SLC7A13: variants seen among roughly 807,000 people sequenced by gnomAD.
SLC7A13 encodes X-amino acid transporter 2.
Under a neutral mutation model 32.0 loss-of-function variants are expected in SLC7A13, and 31 were observed. The observed-to-expected ratio is 0.97, with a 90% confidence interval of 0.73 to 1.31. The LOEUF (loss-of-function observed/expected upper bound fraction) is 1.31, where lower values mean the gene tolerates loss of function less well. SLC7A13 is among the 50% of genes most tolerant of loss of function. SLC7A13 has a pLI of 0.00. For synonymous variants in SLC7A13, 232 were observed against 206.9 expected (o/e 1.12, Z -1.04); for missense variants, 633 against 546.9 (o/e 1.16, Z -1.57).
intron 1 of SLC7A13, among the ~76,000 whole-genome samples, chr8:86,225,355 G>A (rs1389720246): frequency 1.3e-5 from 2 of 152,120 alleles, no homozygotes; most frequent in Admixed American, 1.3e-4. Flanking sequence ...TCTCCTTATA[G>A]TGAAAACTGT....
chr8:86,230,219 C>A lies in SLC7A13; in HGVS notation c.59G>T (p.Ser20Ile). Reference protein sequence around the residue: ...KRVFGYWWGTSFLLINIIGAG... With the variant: ...KRVFGYWWGTIFLLINIIGAG... Reference sequence around the variant, plus strand: ...ACCAATGATATTAATAAGCAAAAAACTTGTGCCCCACCAATATCCAAACAC... The same window carrying A: ...ACCAATGATATTAATAAGCAAAAAAATTGTGCCCCACCAATATCCAAACAC... Residue 20 changes from serine (S) to isoleucine (I), a missense_variant, in exon 1 of 4, where the codon AGT becomes ATT. Ser to Ile is a moderately radical substitution (Grantham distance 142). Transcript: ENST00000297524. The A allele has an allele frequency of 1.9e-6, 3 of 1,613,642 alleles. No individual in the cohort carries two copies. Among genetic ancestry groups the A allele is most frequent in the Non-Finnish European group, 2.5e-6 (3 of 1,179,776 alleles).
At chr8:86,215,373 T>C (rs1475788996) in intron 3 of SLC7A13, among the ~76,000 whole-genome samples, 3 of 152,162 alleles carry the variant, frequency 2.0e-5, no homozygotes, top group South Asian at 4.1e-4. Context: ...AGAGGATCAT[T>C]TGTTGGGATT....
In SLC7A13 at chr8:86,217,735, A is replaced by T. The variant is rs1428486463; in HGVS notation, c.914T>A (p.Ile305Asn). ...TGGTCTCGATGATTTAAATATAGAA[A>T]TCAGAAGGTTGCTAAATAATGAGGT... ...ISTSLFSNLL[I>N]SIFKSSRPIY... is the part of the protein sequence containing the mutation. The change falls in exon 3 of 4, where the codon ATT becomes AAT. Residue 305 changes from isoleucine (I) to asparagine (N), a missense_variant. Ile to Asn is a moderately radical substitution (Grantham distance 149). Coordinates refer to ENST00000297524, the MANE Select transcript of SLC7A13 (RefSeq NM_138817.3). 6.2e-7 allele frequency: 1 copy of T among 1,613,262 alleles called. No homozygotes were observed. The highest frequency in any genetic ancestry group is 1.7e-5 in the Admixed American group (1 of 59,934).
At chr8:86,217,322 T>TA in intron 3 of SLC7A13, 148 bp downstream of exon 3, 1 of 746,110 alleles carries the variant, frequency 1.3e-6, no homozygotes, top group Non-Finnish European at 1.9e-6. Flanking sequence ...AAACGAAAAT[T>TA]AAAACCAAGA....
At chr8:86,217,078 C>T (rs909210770) in intron 3 of SLC7A13, among the ~76,000 whole-genome samples, 1 of 152,152 alleles carries the variant, frequency 6.6e-6, no homozygotes, top group African/African-American at 2.4e-5. Flanking sequence ...TGTTTCAGAA[C>T]AGTAGATGTT....
rs535537836 is a variant in SLC7A13 at position 86,220,500 on chromosome 8, T to C, written c.817+2472A>G. Among the ~76,000 whole-genome samples the C allele has an allele frequency of 8.1e-4, 123 of 152,122 alleles. 1 individual carries two copies. Among genetic ancestry groups the C allele is most frequent in the Non-Finnish European group, 1.4e-3 (94 of 68,006 alleles). On this transcript the variant is annotated intron_variant, in intron 2 of 3. Transcript: ENST00000297524. ...CAAAAACATTACATGATTAATACCA[T>C]TCTTTCTTTTTCTATCTAAACCACA...
chr8:86,217,830 A>T lies in SLC7A13; in HGVS notation c.819T>A (p.Asp273Glu), dbSNP rs996878855. Reference protein sequence around the residue: ...VLTPREILSSDAVAITWADRA... With the variant: ...VLTPREILSSEAVAITWADRA... ...GATCAGCCCATGTGATAGCTACAGC[A>T]TCTGCAGAAAAACAAAAATACACAA... The change falls in exon 3 of 4, where the codon GAT becomes GAA. Residue 273 changes from aspartate to glutamate, a missense_variant and splice_region_variant. By Grantham distance (45) the Asp-to-Glu change is conservative. Coordinates refer to ENST00000297524, the MANE Select transcript of SLC7A13 (RefSeq NM_138817.3). 1.3e-5 allele frequency: 20 copies of T among 1,516,492 alleles called. No individual in the cohort carries two copies. The highest frequency in any genetic ancestry group is 1.6e-5 in the Non-Finnish European group (18 of 1,135,738). The allele number at this position is 1,516,492 out of a possible 1,614,324, so 93.9% of individuals were successfully genotyped here.
Position 86,217,719 on chromosome 8 carries a change from T to G in SLC7A13, c.930A>C (p.Ser310=), listed in dbSNP as rs4621787. The G allele has an allele frequency of 6.3e-3, 10,180 of 1,613,210 alleles. 475 individuals are homozygous for G. In the African/African-American group the frequency reaches 0.11, roughly 17 times the overall value. ...FSNLLISIFK[S]SRPIYLASQE... is the part of the protein sequence containing the mutation. ...GGCTTGCAAGATATATTGGTCTCGA[T>G]GATTTAAATATAGAAATCAGAAGGT... The change falls in exon 3 of 4, where the codon TCA becomes TCC. Residue 310 remains serine, a synonymous_variant. Transcript: ENST00000297524.
At chr8:86,228,279 G>C (rs1456807137) in intron 1 of SLC7A13, among the ~76,000 whole-genome samples, 2 of 152,190 alleles carry the variant, frequency 1.3e-5, no homozygotes, top group Non-Finnish European at 2.9e-5. Flanking sequence ...TGTCCAGGGA[G>C]TACTTGTCTG....
intron 1 of SLC7A13, among the ~76,000 whole-genome samples, chr8:86,225,404 A>G (rs888596962): frequency 2.0e-5 from 3 of 152,178 alleles, no homozygotes; most frequent in African/African-American, 2.4e-5. Flanking sequence ...TTAGCATATA[A>G]TAAGTGCTGA....
At chr8:86,225,193 A>G (rs1274658570) in intron 1 of SLC7A13, among the ~76,000 whole-genome samples, 2 of 152,166 alleles carry the variant, frequency 1.3e-5, no homozygotes, top group Non-Finnish European at 2.9e-5. Flanking sequence ...TCATTTGACT[A>G]TATCAAATTT....
intron 2 of SLC7A13, among the ~76,000 whole-genome samples, chr8:86,221,894 C>T (rs56693657): frequency 5.9e-5 from 9 of 152,228 alleles, no homozygotes; most frequent in African/African-American, 1.4e-4. Flanking sequence ...GCTAGCTGAC[C>T]AGCAGCCCCA....
In SLC7A13 at chr8:86,229,667, A is replaced by T. The variant is rs1226701156; in HGVS notation, c.611T>A (p.Ile204Asn). ...QNAFDAELPDISHLIQAIFQG... is the reference protein window; with the variant it reads ...QNAFDAELPDNSHLIQAIFQG... ...GAAGATGGCTTGTATAAGGTGAGAGATATCTGGAAGTTCAGCATCAAAAGC... is the reference window on the plus strand; with the variant it reads ...GAAGATGGCTTGTATAAGGTGAGAGTTATCTGGAAGTTCAGCATCAAAAGC... Residue 204 changes from isoleucine (I) to asparagine (N), a missense_variant, in exon 1 of 4, where the codon ATC becomes AAC. Coordinates refer to ENST00000297524, the MANE Select transcript of SLC7A13 (RefSeq NM_138817.3). 1.2e-6 allele frequency: 2 copies of T among 1,614,068 alleles called. No homozygotes were observed. Among genetic ancestry groups the T allele is most frequent in the African/African-American group, 2.7e-5 (2 of 74,922 alleles).
chr8:86,229,210 G>A (rs140302195), intron 1 of SLC7A13, among the ~76,000 whole-genome samples: 8 of 152,048 alleles, frequency 5.3e-5, no homozygotes, highest in South Asian at 4.1e-4. Context: ...GCCTCAATGC[G>A]TCATACCTAC....
At chr8:86,228,062 C>A (rs1322759874) in intron 1 of SLC7A13, among the ~76,000 whole-genome samples, 1 of 152,140 alleles carries the variant, frequency 6.6e-6, no homozygotes, top group Non-Finnish European at 1.5e-5. Flanking sequence ...TGTAACAAAC[C>A]TGTACATGAT....
At chr8:86,219,861 G>A (rs1820263491) in intron 2 of SLC7A13, among the ~76,000 whole-genome samples, 1 of 152,158 alleles carries the variant, frequency 6.6e-6, no homozygotes, top group South Asian at 2.1e-4. Context: ...TCCCATTCTT[G>A]ATAGTTGTTC....
intron 2 of SLC7A13, among the ~76,000 whole-genome samples, chr8:86,222,096 C>G (rs1439710688): frequency 6.6e-6 from 1 of 152,098 alleles, no homozygotes; most frequent in Non-Finnish European, 1.5e-5. Flanking sequence ...TATGGCATCA[C>G]CCTGCAGGGC....
chr8:86,220,521 C>T (rs543887507), intron 2 of SLC7A13, among the ~76,000 whole-genome samples: 1 of 152,132 alleles, frequency 6.6e-6, no homozygotes, highest in South Asian at 2.1e-4. Context: ...TCTATCTAAA[C>T]CACAAATATT....
At position 86,229,878 on chromosome 8, in the gene SLC7A13, T is replaced by C; in HGVS notation, c.400A>G (p.Lys134Glu). The change falls in exon 1 of 4, where the codon AAG becomes GAG. Residue 134 changes from lysine to glutamate, a missense_variant. Transcript: ENST00000297524. The part of the protein sequence containing the change: ...FPSCSVPKLP[K>E]KCLALAMLWI... ...AACATGGCCAATGCCAGACATTTCT[T>C]AGGCAGCTTTGGGACAGAGCAGCTG... 2 of 1,614,132 alleles carry C rather than the reference T, an allele frequency of 1.2e-6. No homozygotes were observed. The highest frequency in any genetic ancestry group is 1.7e-6 in the Non-Finnish European group (2 of 1,180,026).
Sources: gnomAD v4.1 joint callset for allele counts (sites outside exome capture counted in the v4.1 genomes callset) on GRCh38, gnomAD v4.1.1 for gene constraint, MANE v1.5 for transcripts, NCBI Gene and HGNC (gene_info 2026-07-23, HGNC 2026-07-21) for gene names.